Variants in FAM124A observed in about 807,000 individuals in gnomAD.
FAM124A encodes the protein family with sequence similarity 124 member A, also known as protein FAM124A.
Under a neutral mutation model 24.5 loss-of-function variants are expected in FAM124A, and 23 were observed. That is an observed-to-expected ratio of 0.94 (90% confidence interval 0.68 to 1.33). The LOEUF is 1.33. Among genes scored for constraint, FAM124A ranks in the 40% most tolerant of loss-of-function variants. The pLI is 0.00. For synonymous variants in FAM124A, 287 were observed against 314.7 expected (o/e 0.91, Z 0.93); for missense variants, 623 against 722.8 (o/e 0.86, Z 1.58).
chr13:51,275,188 C>T (rs1954874649), intron 3 of FAM124A, among the ~76,000 whole-genome samples: 1 of 143,232 alleles, frequency 7.0e-6, no homozygotes, highest in Non-Finnish European at 1.5e-5. Context: ...GTCTGGGAAA[C>T]ATAGCCAGAC....
intron 2 of FAM124A, among the ~76,000 whole-genome samples, chr13:51,249,092 C>T (rs937810035): frequency 2.6e-5 from 4 of 152,176 alleles, no homozygotes; most frequent in African/African-American, 9.7e-5. Flanking sequence ...CCCACGGCCC[C>T]CTTCCAAATG....
chr13:51,243,372 T>C (rs1206980075), intron 2 of FAM124A, among the ~76,000 whole-genome samples: 1 of 152,174 alleles, frequency 6.6e-6, no homozygotes, highest in Non-Finnish European at 1.5e-5. Flanking sequence ...ATGAATAGCG[T>C]CTCCCAGGAA....
intron 1 of FAM124A, among the ~76,000 whole-genome samples, chr13:51,225,971 G>GCTTT (rs1954311210): frequency 4.4e-5 from 4 of 90,078 alleles, no homozygotes; most frequent in African/African-American, 1.2e-4. Flanking sequence ...TTGCTTGCTT[G>GCTTT]CTTTCTTTTT....
intron 3 of FAM124A, among the ~76,000 whole-genome samples, chr13:51,278,890 A>G (rs951786931): frequency 3.9e-5 from 6 of 152,216 alleles, no homozygotes; most frequent in Non-Finnish European, 8.8e-5. Flanking sequence ...CACTGGGAAC[A>G]TTTAGACGTC....
chr13:51,253,180 A>T (rs1380695809), intron 3 of FAM124A: 1 of 152,218 alleles, frequency 6.6e-6, no homozygotes, highest in Non-Finnish European at 1.5e-5. Context: ...ATTGGGGGAC[A>T]TTGCCTTAAG....
intron 2 of FAM124A, among the ~76,000 whole-genome samples, chr13:51,234,517 C>G (rs948858215): frequency 4.6e-5 from 7 of 152,200 alleles, no homozygotes; most frequent in African/African-American, 1.7e-4. Context: ...TAGCCACATG[C>G]TCTTGGGTCA....
chr13:51,270,561 G>C (rs895473908), intron 3 of FAM124A, among the ~76,000 whole-genome samples: 1 of 152,212 alleles, frequency 6.6e-6, no homozygotes, highest in Admixed American at 6.5e-5. Flanking sequence ...CCTGTTCTTG[G>C]CATGAATCTT....
In FAM124A at chr13:51,251,048, C is replaced by A. The variant is rs756627718; in HGVS notation, c.101-420C>A. ...GTAGGGAACATGTATGGGGCAAGGC[C>A]CTGCAGCTATTTCAGGAAATACTAA... On this transcript the variant is annotated intron_variant, in intron 2 of 3. Transcript: ENST00000322475. This position sits in a 1 kb window ranked among gnomAD's most constrained non-coding sequence, Gnocchi z 5.3. Among the ~76,000 whole-genome samples, 3 of 151,836 alleles carry A rather than the reference C, an allele frequency of 2.0e-5. No homozygotes were observed. The highest frequency in any genetic ancestry group is 4.4e-5 in the Non-Finnish European group (3 of 67,936).
At position 51,280,639 on chromosome 13, in the gene FAM124A, G is replaced by A. The variant is rs1220293470; in HGVS notation, c.1024G>A (p.Glu342Lys). Reference sequence around the variant, plus strand: ...AGGCCTGCCTCCTGGGCACCAGCAGGAATTTGCCGGACGAGCCAACAGCAC... The same window carrying A: ...AGGCCTGCCTCCTGGGCACCAGCAGAAATTTGCCGGACGAGCCAACAGCAC... ...RTGLPPGHQQ[E>K]FAGRANSTPN... The change falls in exon 4 of 4, where the codon GAA becomes AAA. Residue 342 changes from glutamate (E) to lysine (K), a missense_variant. Physicochemically the swap from Glu to Lys is moderately conservative, Grantham distance 56 (BLOSUM62 1). Transcript: ENST00000322475. The A allele has an allele frequency of 1.2e-6, 2 of 1,614,046 alleles. No homozygotes were observed. Among genetic ancestry groups the A allele is most frequent in the South Asian group, 1.1e-5 (1 of 91,062 alleles).
chr13:51,276,292 G>C (rs1954885488), intron 3 of FAM124A, among the ~76,000 whole-genome samples: 1 of 152,100 alleles, frequency 6.6e-6, no homozygotes, highest in South Asian at 2.1e-4. Flanking sequence ...TACCAATTTG[G>C]GGGAATAAGT....
chr13:51,255,587 C>T (rs546352486), intron 3 of FAM124A, among the ~76,000 whole-genome samples: 30 of 152,346 alleles, frequency 2.0e-4, no homozygotes, highest in African/African-American at 7.0e-4. Context: ...GCTTTAGATG[C>T]ACATATAGTC....
Position 51,280,604 on chromosome 13 carries a change from C to G in FAM124A, c.989C>G (p.Pro330Arg). 1 of 1,614,186 alleles carries G rather than the reference C, an allele frequency of 6.2e-7. No homozygotes were observed. ...QSPLNSPHPG[P>R]IRTGLPPGHQ... is the part of the protein sequence containing the mutation. The stretch of plus-strand genomic sequence containing the variant: ...CCGCTCAACAGTCCTCACCCGGGGC[C>G]CATCCGGACAGGCCTGCCTCCTGGG... Residue 330 changes from proline (P) to arginine (R), a missense_variant, in exon 4 of 4, where the codon CCC (proline) becomes CGC (arginine). By Grantham distance (103) the Pro-to-Arg change is moderately radical. Coordinates refer to ENST00000322475, the MANE Select transcript of FAM124A (RefSeq NM_001242312.2).
chr13:51,226,749 T>C (rs1212811347), intron 1 of FAM124A, among the ~76,000 whole-genome samples: 2 of 152,168 alleles, frequency 1.3e-5, no homozygotes, highest in African/African-American at 2.4e-5. Flanking sequence ...TCCGAGAAAC[T>C]TTGTGGGTCC....
chr13:51,234,224 T>C (rs4942978), intron 2 of FAM124A, among the ~76,000 whole-genome samples: 19,689 of 152,256 alleles, frequency 0.13, 1,415 homozygotes, highest in East Asian at 0.29. Flanking sequence ...CATTTGTTCC[T>C]GAGTTCACAG....
chr13:51,240,808 G>A (rs1954482830), intron 2 of FAM124A, among the ~76,000 whole-genome samples: 1 of 152,224 alleles, frequency 6.6e-6, no homozygotes, highest in Admixed American at 6.5e-5. Flanking sequence ...AACAAGTGAA[G>A]ACACAGTCCT....
intron 3 of FAM124A, among the ~76,000 whole-genome samples, chr13:51,269,959 C>T (rs1260651707): frequency 6.6e-6 from 1 of 152,190 alleles, no homozygotes; most frequent in Admixed American, 6.5e-5. Context: ...GCCAGAATCC[C>T]AGGACTCAAC....
At chr13:51,246,134 A>G (rs1335746031) in intron 2 of FAM124A, among the ~76,000 whole-genome samples, 1 of 152,200 alleles carries the variant, frequency 6.6e-6, no homozygotes, top group Non-Finnish European at 1.5e-5. Context: ...AGCAGCTCCC[A>G]TCCTCCCACC....
In FAM124A at chr13:51,222,558, C is replaced by A. The variant is rs1478900236; in HGVS notation, c.57C>A (p.Ala19=). Residue 19 remains alanine (A), a synonymous_variant, in exon 1 of 4, where the codon GCC becomes GCA. Transcript: ENST00000322475. ...GEEDDCVDSG[A]ETGGSDYSHL... Reference sequence around the variant, plus strand: ...AGGACGACTGCGTGGACTCGGGCGCCGAGACCGGAGGGTGAGCCGCGCCGG... The same window carrying A: ...AGGACGACTGCGTGGACTCGGGCGCAGAGACCGGAGGGTGAGCCGCGCCGG... The A allele has an allele frequency of 3.3e-6, 4 of 1,226,616 alleles. No homozygotes were observed. Among genetic ancestry groups the A allele is most frequent in the Non-Finnish European group, 4.1e-6 (4 of 986,050 alleles). The allele number at this position is 1,226,616 out of a possible 1,614,324, so 76.0% of individuals were successfully genotyped here.
intron 2 of FAM124A, among the ~76,000 whole-genome samples, chr13:51,245,949 TA>T (rs1477988355): frequency 1.3e-5 from 2 of 152,206 alleles, no homozygotes; most frequent in Admixed American, 6.5e-5. Context: ...ATGCCCAGGC[TA>T]ATAGTACACT....
Sources: gnomAD v4.1 joint callset for allele counts (sites outside exome capture counted in the v4.1 genomes callset) on GRCh38, gnomAD v4.1.1 for gene constraint, Gnocchi (gnomAD v3.1) non-coding constraint, MANE v1.5 for transcripts, NCBI Gene and HGNC (gene_info 2026-07-23, HGNC 2026-07-21) for gene names.